Variants in COL25A1 observed in about 807,000 individuals in gnomAD.
COL25A1 encodes the protein collagen alpha-1(XXV) chain.
COL25A1 carries 103 observed loss-of-function variants against 128.4 expected under a neutral mutation model. The observed-to-expected ratio is 0.80, with a 90% CI of 0.68 to 0.94. The LOEUF (loss-of-function observed/expected upper bound fraction) is 0.94, where lower values mean the gene tolerates loss of function less well. COL25A1 is among the 40% of genes least tolerant of loss of function. The pLI, the probability that COL25A1 is intolerant of heterozygous loss-of-function variation, is 0.00. For missense variants in COL25A1, 745 were observed against 840.0 expected (o/e 0.89, Z 1.40); for synonymous variants, 279 against 277.2 (o/e 1.01, Z -0.06).
intron 3 of COL25A1, among the ~76,000 whole-genome samples, chr4:109,185,199 A>T (rs1775024599): frequency 6.6e-6 from 1 of 152,212 alleles, no homozygotes; most frequent in South Asian, 2.1e-4. Flanking sequence ...AAGGCAGTCA[A>T]GGATAAGGAA....
intron 3 of COL25A1, among the ~76,000 whole-genome samples, chr4:109,113,500 C>A (rs577448018): frequency 2.0e-5 from 3 of 152,054 alleles, no homozygotes; most frequent in African/African-American, 7.2e-5. Flanking sequence ...TCTCATGTGT[C>A]CATTTTGATA....
At chr4:108,885,292 T>C (rs1429616124) in intron 18 of COL25A1, among the ~76,000 whole-genome samples, 1 of 152,200 alleles carries the variant, frequency 6.6e-6, no homozygotes, top group Non-Finnish European at 1.5e-5. Context: ...TTTCAAATTA[T>C]GAAGCACCAT....
chr4:109,212,733 T>C (rs1777677130), intron 3 of COL25A1, among the ~76,000 whole-genome samples: 1 of 152,136 alleles, frequency 6.6e-6, no homozygotes, highest in South Asian at 2.1e-4. Flanking sequence ...AGGATAAAAT[T>C]ACAAGTTCTG....
intron 3 of COL25A1, among the ~76,000 whole-genome samples, chr4:109,182,839 G>A (rs1035452348): frequency 1.4e-4 from 22 of 152,016 alleles, no homozygotes; most frequent in African/African-American, 5.3e-4. Context: ...TACACTTGCA[G>A]CCTGAGAACT....
At chr4:109,081,693 A>C (rs571758592) in intron 3 of COL25A1, among the ~76,000 whole-genome samples, 1 of 151,270 alleles carries the variant, frequency 6.6e-6, no homozygotes, top group South Asian at 2.1e-4. Flanking sequence ...TCACTAATCT[A>C]TTTTGTTTTT....
chr4:108,939,515 T>C (rs1393078427), intron 10 of COL25A1, among the ~76,000 whole-genome samples: 1 of 152,160 alleles, frequency 6.6e-6, no homozygotes, highest in Non-Finnish European at 1.5e-5. Flanking sequence ...AATATATGCA[T>C]ATAAAAATGA....
chr4:108,863,191 G>T, intron 21 of COL25A1, 128 bp downstream of exon 21: 1 of 838,420 alleles, frequency 1.2e-6, no homozygotes, highest in Non-Finnish European at 2.0e-6. Flanking sequence ...ACCAGTTGGT[G>T]TGCATTTCAA....
chr4:109,031,256 C>T (rs1375299563), intron 5 of COL25A1, among the ~76,000 whole-genome samples: 7 of 152,082 alleles, frequency 4.6e-5, no homozygotes, highest in African/African-American at 1.4e-4. Flanking sequence ...GGACTACAGG[C>T]GCCTGCCACC....
intron 8 of COL25A1, among the ~76,000 whole-genome samples, chr4:108,961,955 T>G (rs930457264): frequency 1.3e-5 from 2 of 152,192 alleles, no homozygotes; most frequent in African/African-American, 2.4e-5. Context: ...CCTTAGATTT[T>G]TCTTCCCCTG....
chr4:109,278,992 T>G (rs1316580651), intron 3 of COL25A1, among the ~76,000 whole-genome samples: 1 of 152,022 alleles, frequency 6.6e-6, no homozygotes, highest in African/African-American at 2.4e-5. Flanking sequence ...CTAGGGACCT[T>G]TTTATATGGG....
At chr4:108,991,848 A>G (rs1483452217) in intron 6 of COL25A1, among the ~76,000 whole-genome samples, 1 of 152,236 alleles carries the variant, frequency 6.6e-6, no homozygotes, top group African/African-American at 2.4e-5. Context: ...AATTAAAAAC[A>G]TATGAATAGA....
Position 108,863,392 on chromosome 4 carries a change from C to A in COL25A1, c.1084-5G>T. The A allele has an allele frequency of 1.2e-6, 2 of 1,613,428 alleles. No individual in the cohort carries two copies. The highest frequency in any genetic ancestry group is 1.7e-6 in the Non-Finnish European group (2 of 1,179,748). On this transcript the variant is annotated splice_region_variant and splice_polypyrimidine_tract_variant and intron_variant, in intron 20 of 37. Transcript: ENST00000399132. ...CCCTGCTTCCCCCCGTTCACCCTGT[C>A]ACAAATTGCAAAACAGGTAAATGGT...
intron 3 of COL25A1, among the ~76,000 whole-genome samples, chr4:109,197,407 A>ATATATATTATATATTATATATAAATAT (rs1560850094): frequency 1.9e-4 from 24 of 126,334 alleles, no homozygotes; most frequent in Middle Eastern, 3.7e-3. Flanking sequence ...TATATATAAA[A>ATATATATTATATATTATATATAAATAT]TATATATTAT....
chr4:109,023,551 G>A (rs1579118427), intron 5 of COL25A1, among the ~76,000 whole-genome samples: 1 of 152,204 alleles, frequency 6.6e-6, no homozygotes, highest in Non-Finnish European at 1.5e-5. Flanking sequence ...CCAACGAGGA[G>A]CTAATTGAAC....
chr4:108,969,744 T>C (rs1938322538), intron 8 of COL25A1, among the ~76,000 whole-genome samples: 2 of 151,554 alleles, frequency 1.3e-5, no homozygotes, highest in African/African-American at 2.4e-5. Flanking sequence ...TCATCCGTTC[T>C]GCTTACCTCT....
rs574391628 is a variant in COL25A1 at position 109,107,091 on chromosome 4, CA to C, written c.368-56913del. Among the ~76,000 whole-genome samples, 402 of 152,192 alleles carry C rather than the reference CA, an allele frequency of 2.6e-3. 1 individual carries two copies. The highest frequency in any genetic ancestry group is 9.3e-3 in the African/African-American group (388 of 41,526). On this transcript the variant is annotated intron_variant, in intron 3 of 37. Transcript: ENST00000399132. ...CCCATTTAAAATTTAATAAGTGCTT[CA>C]AAAAGTTTTTTTTAAACTTAGTTTA...
intron 5 of COL25A1, among the ~76,000 whole-genome samples, chr4:109,024,834 AG>A (rs1192790400): frequency 1.3e-5 from 2 of 152,158 alleles, no homozygotes; most frequent in African/African-American, 4.8e-5. Flanking sequence ...AAAATGCTTA[AG>A]ATATGCTCTC....
intron 3 of COL25A1, among the ~76,000 whole-genome samples, chr4:109,284,432 A>G (rs1227313807): frequency 1.3e-5 from 2 of 152,218 alleles, no homozygotes; most frequent in Non-Finnish European, 2.9e-5. Flanking sequence ...TCCGTCAAAA[A>G]CAAGAAAAGA....
At chr4:109,275,356 C>CCAA (rs1476172425) in intron 3 of COL25A1, among the ~76,000 whole-genome samples, 2 of 152,130 alleles carry the variant, frequency 1.3e-5, no homozygotes, top group Non-Finnish European at 2.9e-5. Context: ...ACTAAACAGG[C>CCAA]TTTGAACTGA....
Sources: allele counts gnomAD v4.1 joint callset (sites outside exome capture counted in the v4.1 genomes callset), GRCh38; gene constraint gnomAD v4.1.1; transcripts MANE v1.5; gene names NCBI Gene and HGNC (gene_info 2026-07-23, HGNC 2026-07-21).